Variants in CADM1 observed in about 807,000 individuals in gnomAD.
The protein encoded by CADM1 is cell adhesion molecule 1.
In CADM1, 15 loss-of-function variants were observed where a neutral mutation model predicts 53.1. The observed-to-expected ratio is 0.28, with a 90% CI of 0.19 to 0.44. The LOEUF (loss-of-function observed/expected upper bound fraction) is 0.44. Ranked by LOEUF, CADM1 falls within the 20% of genes least tolerant of loss-of-function variation. CADM1 has a pLI of 1.00. For missense variants in CADM1, 434 were observed against 611.3 expected (o/e 0.71, Z 3.06); for synonymous variants, 281 against 243.0 (o/e 1.16, Z -1.45).
intron 1 of CADM1, among the ~76,000 whole-genome samples, chr11:115,316,344 G>A (rs922793733): frequency 1.6e-4 from 25 of 152,106 alleles, no homozygotes; most frequent in Non-Finnish European, 2.4e-4. Context: ...AGTTGCAAAG[G>A]AGGCATTTAA....
At chr11:115,260,848 AT>A (rs1220513875) in intron 1 of CADM1, among the ~76,000 whole-genome samples, 1 of 149,546 alleles carries the variant, frequency 6.7e-6, no homozygotes, top group Non-Finnish European at 1.5e-5. Flanking sequence ...AATTTTTTGT[AT>A]TTTTTTAGTG....
chr11:115,214,565 T>C, intron 7 of CADM1, 43 bp downstream of exon 7: 10 of 1,564,098 alleles, frequency 6.4e-6, no homozygotes, highest in East Asian at 2.2e-5. Context: ...AGCAGCTCCA[T>C]GTGACTGACT....
intron 1 of CADM1, among the ~76,000 whole-genome samples, chr11:115,406,611 GAATA>G (rs1565411433): frequency 1.4e-5 from 2 of 147,972 alleles, no homozygotes; most frequent in South Asian, 4.2e-4. Context: ...TATTTATAAA[GAATA>G]AATATTAGGT....
intron 1 of CADM1, among the ~76,000 whole-genome samples, chr11:115,304,835 G>C (rs1210314305): frequency 6.6e-6 from 1 of 151,932 alleles, no homozygotes; most frequent in African/African-American, 2.4e-5. Context: ...TTGTCAGACA[G>C]TTTTTGTCCT....
At chr11:115,230,912 T>C (rs981933307) in intron 4 of CADM1, among the ~76,000 whole-genome samples, 3 of 152,240 alleles carry the variant, frequency 2.0e-5, no homozygotes, top group East Asian at 1.9e-4. Context: ...GAATTTACCA[T>C]ATGAAAGACT....
intron 1 of CADM1, among the ~76,000 whole-genome samples, chr11:115,365,791 A>G (rs1946141673): frequency 6.6e-6 from 1 of 152,220 alleles, no homozygotes; most frequent in Admixed American, 6.5e-5. Flanking sequence ...TTTTCAAAAA[A>G]TCAAACAAAA....
intron 1 of CADM1, among the ~76,000 whole-genome samples, chr11:115,408,024 T>TG (rs894970952): frequency 1.4e-4 from 21 of 151,754 alleles, no homozygotes; most frequent in African/African-American, 5.1e-4. Flanking sequence ...GGCTGGGTGT[T>TG]GGGGGGTGGT....
chr11:115,344,679 T>C (rs1210220645), intron 1 of CADM1, among the ~76,000 whole-genome samples: 4 of 152,130 alleles, frequency 2.6e-5, no homozygotes, highest in Non-Finnish European at 4.4e-5. Context: ...CTGATCTATA[T>C]ATTTTTGCCA....
Position 115,172,290 on chromosome 11 carries a change from G to A in CADM1, c.*4184C>T, listed in dbSNP as rs1353722637. ...TACTGCTCCTTGCCCTCTGGCAGAG[G>A]CTGGGAGAGGTCACTGAAGTATCGA... On this transcript the variant is annotated 3_prime_UTR_variant, in exon 12 of 12. Transcript: ENST00000331581. 2.6e-5 allele frequency: 4 copies of A among 152,288 alleles called. No homozygotes were observed. Among genetic ancestry groups the A allele is most frequent in the African/African-American group, 9.6e-5 (4 of 41,466 alleles). The allele number at this position is 152,288 out of a possible 1,614,324, so 9.4% of individuals were successfully genotyped here. A position where few individuals can be genotyped will look rare whatever the true frequency, so the allele number is the denominator to read the frequency against.
At chr11:115,461,644 G>A (rs1200589858) in intron 1 of CADM1, among the ~76,000 whole-genome samples, 1 of 152,170 alleles carries the variant, frequency 6.6e-6, no homozygotes, top group Admixed American at 6.5e-5. Flanking sequence ...GCTATGAAAG[G>A]AAAAAGAAAT....
At chr11:115,227,891 A>T (rs754502696) in intron 5 of CADM1, among the ~76,000 whole-genome samples, 44 of 152,232 alleles carry the variant, frequency 2.9e-4, no homozygotes, top group Non-Finnish European at 3.2e-4. Context: ...TGGCTCCCAA[A>T]GATAAGTCCA....
chr11:115,440,834 A>G (rs962727835), intron 1 of CADM1, among the ~76,000 whole-genome samples: 4 of 152,152 alleles, frequency 2.6e-5, no homozygotes, highest in African/African-American at 9.7e-5. Context: ...GCTAGCGTAC[A>G]CTGGCATGAA....
chr11:115,360,898 C>T (rs1439986302), intron 1 of CADM1, among the ~76,000 whole-genome samples: 1 of 152,186 alleles, frequency 6.6e-6, no homozygotes, highest in Non-Finnish European at 1.5e-5. Flanking sequence ...TTTAACTGAA[C>T]ACTAGGATAA....
chr11:115,323,613 T>C (rs908977858), intron 1 of CADM1, among the ~76,000 whole-genome samples: 2 of 152,146 alleles, frequency 1.3e-5, no homozygotes, highest in African/African-American at 4.8e-5. Flanking sequence ...GAAATGATGG[T>C]AAGAAGAATA....
chr11:115,213,369 A>G (rs1400195090), intron 7 of CADM1, among the ~76,000 whole-genome samples: 1 of 152,222 alleles, frequency 6.6e-6, no homozygotes, highest in African/African-American at 2.4e-5. Flanking sequence ...TAATGTTATT[A>G]TGTGTGAACA....
intron 1 of CADM1, among the ~76,000 whole-genome samples, chr11:115,284,860 G>A (rs1437601639): frequency 2.6e-5 from 4 of 152,156 alleles, no homozygotes; most frequent in Non-Finnish European, 5.9e-5. Flanking sequence ...GGTTAATGCA[G>A]GATTTTCTAA....
intron 1 of CADM1, among the ~76,000 whole-genome samples, chr11:115,439,448 C>T (rs1441683646): frequency 6.6e-6 from 1 of 152,154 alleles, no homozygotes; most frequent in Non-Finnish European, 1.5e-5. Flanking sequence ...GTTCCTCTAT[C>T]CTGCCCTTGT....
intron 5 of CADM1, among the ~76,000 whole-genome samples, chr11:115,226,168 AT>A (rs1414558679): frequency 1.3e-5 from 2 of 152,198 alleles, no homozygotes; most frequent in African/African-American, 4.8e-5. Flanking sequence ...TTTAAAGCTT[AT>A]TAGACACTAT....
chr11:115,349,667 C>G (rs763286580), intron 1 of CADM1, among the ~76,000 whole-genome samples: 2 of 152,206 alleles, frequency 1.3e-5, no homozygotes, highest in African/African-American at 4.8e-5. Context: ...CGTACACTCT[C>G]ACTAATCCAA....
Sources: allele counts gnomAD v4.1 joint callset (sites outside exome capture counted in the v4.1 genomes callset), GRCh38; gene constraint gnomAD v4.1.1; transcripts MANE v1.5; gene names NCBI Gene and HGNC (gene_info 2026-07-23, HGNC 2026-07-21).